The following SLC22A4 variants were observed in gnomAD, a reference collection of about 807,000 sequenced individuals.
The protein encoded by SLC22A4 is ET transporter.
A neutral mutation model predicts 56.6 loss-of-function variants in SLC22A4; 39 were observed. The ratio of observed to expected loss-of-function variants is 0.69; its 90% confidence interval spans 0.53 to 0.90. SLC22A4 has a LOEUF of 0.90. Ranked by LOEUF, SLC22A4 falls within the 40% of genes least tolerant of loss-of-function variation. SLC22A4 has a pLI of 0.00. For synonymous variants in SLC22A4, 241 were observed against 281.4 expected (o/e 0.86, Z 1.44); for missense variants, 594 against 696.5 (o/e 0.85, Z 1.66).
chr5:132,298,238 T>C (rs919830686), intron 1 of SLC22A4, among the ~76,000 whole-genome samples: 7 of 152,250 alleles, frequency 4.6e-5, no homozygotes, highest in African/African-American at 1.7e-4. Context: ...GCAACCCAAG[T>C]GTCCTTCCAC....
chr5:132,322,303 A>C lies in SLC22A4; in HGVS notation c.772A>C (p.Met258Leu). 1 of 1,613,974 alleles carries C rather than the reference A, an allele frequency of 6.2e-7. No individual in the cohort carries two copies. Among genetic ancestry groups the C allele is most frequent in the Non-Finnish European group, 8.5e-7 (1 of 1,179,978 alleles). Residue 258 changes from methionine to leucine, a missense_variant, in exon 4 of 10, where the codon ATG becomes CTG. Transcript: ENST00000200652. ...TGCTTACTTCATCAGAGACTGGCGGATGCTGCTGCTGGCGCTGACGGTGCC... is the reference window on the plus strand; with the variant it reads ...TGCTTACTTCATCAGAGACTGGCGGCTGCTGCTGCTGGCGCTGACGGTGCC... Reference protein sequence around the residue: ...LFAYFIRDWRMLLLALTVPGV... With the variant: ...LFAYFIRDWRLLLLALTVPGV...
At chr5:132,325,798 T>C (rs1419986274) in intron 4 of SLC22A4, among the ~76,000 whole-genome samples, 1 of 152,174 alleles carries the variant, frequency 6.6e-6, no homozygotes, top group Non-Finnish European at 1.5e-5. Context: ...AGGCAGGGCT[T>C]GGACACTGGA....
intron 1 of SLC22A4, among the ~76,000 whole-genome samples, chr5:132,306,053 A>G (rs1750021007): frequency 6.6e-6 from 1 of 152,104 alleles, no homozygotes; most frequent in African/African-American, 2.4e-5. Context: ...ACCCACTACA[A>G]TGACTAAAAT....
chr5:132,317,323 C>T (rs1035339955), intron 3 of SLC22A4, among the ~76,000 whole-genome samples: 1 of 152,182 alleles, frequency 6.6e-6, no homozygotes, highest in Non-Finnish European at 1.5e-5. Flanking sequence ...TGAAAAGAAA[C>T]CCTATACGAA....
At chr5:132,331,105 G>A (rs1457423639) in intron 5 of SLC22A4, among the ~76,000 whole-genome samples, 1 of 152,068 alleles carries the variant, frequency 6.6e-6, no homozygotes, top group Non-Finnish European at 1.5e-5. Context: ...GGCCAAAGTG[G>A]GCAGACTGCT....
chr5:132,328,830 TATATATATACAC>T (rs1386379934), intron 5 of SLC22A4, among the ~76,000 whole-genome samples: 59 of 24,732 alleles, frequency 2.4e-3, no homozygotes, highest in African/African-American at 8.2e-3. Flanking sequence ...CCTTTATATA[TATATATATACAC>T]ACACACACAC....
intron 1 of SLC22A4, among the ~76,000 whole-genome samples, chr5:132,304,352 C>T (rs556022986): frequency 4.6e-4 from 70 of 152,336 alleles, no homozygotes; most frequent in African/African-American, 1.6e-3. Context: ...CGTGGTGGCT[C>T]ATGCCTGTAA....
At position 132,342,748 on chromosome 5, in the gene SLC22A4, C is replaced by A. The variant is rs144089660; in HGVS notation, c.1581-1012C>A. On this transcript the variant is annotated intron_variant, in intron 9 of 9. Coordinates refer to ENST00000200652, the MANE Select transcript of SLC22A4 (RefSeq NM_003059.3). ...TCTTACAAAGGATACAAATGAACAG[C>A]CAGATGAAGAGGTACATACAGAGAG... is the stretch of plus-strand genomic sequence containing the variant. Among the ~76,000 whole-genome samples the A allele has an allele frequency of 4.0e-3, 615 of 152,296 alleles. 3 individuals carry two copies. Among genetic ancestry groups the A allele is most frequent in the African/African-American group, 0.012 (488 of 41,564 alleles).
intron 7 of SLC22A4, 114 bp downstream of exon 7, chr5:132,335,046 A>G: frequency 1.3e-6 from 1 of 783,332 alleles, no homozygotes; most frequent in East Asian, 2.5e-5. Flanking sequence ...GCCATTCATA[A>G]GTCAATTAGA....
At chr5:132,332,143 G>A (rs1181478060) in intron 6 of SLC22A4, 14 of 360,250 alleles carry the variant, frequency 3.9e-5, no homozygotes, top group Admixed American at 7.6e-5. Flanking sequence ...GTGAAACCCC[G>A]TCTCTACTAA....
intron 3 of SLC22A4, 51 bp from the exon 4 acceptor site, chr5:132,322,133 C>A (rs751406779): frequency 7.9e-6 from 12 of 1,525,980 alleles, no homozygotes; most frequent in African/African-American, 1.4e-5. Flanking sequence ...ATATAAAAAG[C>A]AAATATTAAA....
At chr5:132,308,067 C>G (rs1192746575) in intron 1 of SLC22A4, among the ~76,000 whole-genome samples, 3 of 152,204 alleles carry the variant, frequency 2.0e-5, no homozygotes, top group African/African-American at 7.2e-5. Flanking sequence ...TGTGCAAACA[C>G]TAGTCATCTA....
intron 1 of SLC22A4, among the ~76,000 whole-genome samples, chr5:132,300,417 G>C (rs1193763549): frequency 6.6e-6 from 1 of 152,134 alleles, no homozygotes; most frequent in Non-Finnish European, 1.5e-5. Context: ...TCATCACTAG[G>C]TCTTGACTGA....
intron 5 of SLC22A4, among the ~76,000 whole-genome samples, chr5:132,328,903 G>GTGTGTA (rs1180080096): frequency 1.7e-4 from 16 of 96,450 alleles, no homozygotes; most frequent in African/African-American, 7.4e-4. Context: ...GTGTGTATGT[G>GTGTGTA]TATATATATA....
chr5:132,294,604 G>A lies in SLC22A4; in HGVS notation c.-13G>A. 2 of 1,614,144 alleles carry A rather than the reference G, an allele frequency of 1.2e-6. No homozygotes were observed. Among genetic ancestry groups the A allele is most frequent in the Non-Finnish European group, 1.7e-6 (2 of 1,180,022 alleles). ...CACCCGTAGTTGCAAGTTTCGGAGC[G>A]GCAGTGGGAAGCATGCGGGACTACG... On this transcript the variant is annotated 5_prime_UTR_variant, in exon 1 of 10. Coordinates refer to ENST00000200652, the MANE Select transcript of SLC22A4 (RefSeq NM_003059.3). The surrounding 1 kb of genome is among the most constrained non-coding windows in gnomAD (Gnocchi z 5.6).
Position 132,322,370 on chromosome 5 carries a change from TC to T in SLC22A4, c.824+19del, listed in dbSNP as rs1196322188. 1 of 1,612,124 alleles carries T rather than the reference TC, an allele frequency of 6.2e-7. No homozygotes were observed. Among genetic ancestry groups the T allele is most frequent in the Admixed American group, 1.7e-5 (1 of 59,994 alleles). ...CCGCTGTGGTGGTGAGTGTGACTCG[TC>T]CCCAGACAGGCCCTCTGCTGCGGGT... On this transcript the variant is annotated intron_variant, in intron 4 of 9. Transcript: ENST00000200652.
At chr5:132,302,799 C>T (rs1017702637) in intron 1 of SLC22A4, among the ~76,000 whole-genome samples, 1 of 152,198 alleles carries the variant, frequency 6.6e-6, no homozygotes, top group Admixed American at 6.5e-5. Flanking sequence ...TCCCACAGCC[C>T]CTCCACTCCC....
At chr5:132,296,397 C>T (rs1367107318) in intron 1 of SLC22A4, among the ~76,000 whole-genome samples, 1 of 152,242 alleles carries the variant, frequency 6.6e-6, no homozygotes, top group East Asian at 1.9e-4. Flanking sequence ...AGTAAGCATT[C>T]TAAGGCCAGG....
chr5:132,309,983 G>A (rs1750142421), intron 1 of SLC22A4, among the ~76,000 whole-genome samples: 2 of 152,272 alleles, frequency 1.3e-5, no homozygotes, highest in African/African-American at 4.8e-5. Context: ...TGGTTGGCAT[G>A]TTAATGCCTC....
Sources: allele counts gnomAD v4.1 joint callset (sites outside exome capture counted in the v4.1 genomes callset), GRCh38; gene constraint gnomAD v4.1.1; non-coding constraint Gnocchi (gnomAD v3.1); transcripts MANE v1.5; gene names NCBI Gene and HGNC (gene_info 2026-07-23, HGNC 2026-07-21).